The following TRAPPC6B variants were observed in gnomAD, a reference collection of about 807,000 sequenced individuals.
The protein encoded by TRAPPC6B is trafficking protein particle complex subunit 6B, also known as TRAPP complex subunit 6B.
Under a neutral mutation model 24.7 loss-of-function variants are expected in TRAPPC6B, and 27 were observed. The observed-to-expected ratio is 1.09, with a 90% CI of 0.81 to 1.51. TRAPPC6B has a LOEUF of 1.51. Among genes scored for constraint, TRAPPC6B ranks in the 40% most tolerant of loss-of-function variants. The pLI, the probability that TRAPPC6B is intolerant of heterozygous loss-of-function variation, is 0.00. For missense variants in TRAPPC6B, 212 were observed against 190.8 expected (o/e 1.11, Z -0.66); for synonymous variants, 80 against 66.6 (o/e 1.20, Z -0.98).
In TRAPPC6B at chr14:39,150,305, T is replaced by C; in HGVS notation, c.*45A>G. 1 of 1,508,144 alleles carries C rather than the reference T, an allele frequency of 6.6e-7. No homozygotes were observed. Among genetic ancestry groups the C allele is most frequent in the Non-Finnish European group, 9.0e-7 (1 of 1,109,514 alleles). The allele number at this position is 1,508,144 out of a possible 1,614,324, so 93.4% of individuals were successfully genotyped here. ...ACTACTTGAAATACTTTTACATGAA[T>C]AATTTATCTCTTTACACTGTTGAAG... On this transcript the variant is annotated 3_prime_UTR_variant, in exon 6 of 6. Coordinates refer to ENST00000330149, the MANE Select transcript of TRAPPC6B (RefSeq NM_001079537.2).
intron 1 of TRAPPC6B, among the ~76,000 whole-genome samples, chr14:39,159,962 A>T (rs542864946): frequency 2.0e-5 from 3 of 152,128 alleles, no homozygotes; most frequent in Non-Finnish European, 2.9e-5. Context: ...AGCTGGAATT[A>T]TAAGCACCCA....
rs116558051 is a variant in TRAPPC6B at position 39,168,688 on chromosome 14, G to A, written c.81+1327C>T. 6.1e-3 allele frequency among the ~76,000 whole-genome samples: 932 copies of A among 152,110 alleles called. 9 individuals are homozygous for A. Among genetic ancestry groups the A allele is most frequent in the African/African-American group, 0.021 (873 of 41,498 alleles). ...CAGCTGCTCAAGCTGAAAACCTGAC[G>A]ATAATTTTCAACTCCCACTCCCATC... On this transcript the variant is annotated intron_variant, in intron 1 of 5. Coordinates refer to ENST00000330149, the MANE Select transcript of TRAPPC6B (RefSeq NM_001079537.2).
Position 39,170,031 on chromosome 14 carries a change from G to A in TRAPPC6B, c.65C>T (p.Ala22Val). ...NEMVSGVYKS[A>V]EQGEVENGRC... ...AGCACTCACCACCTCCCCCTGCTCC[G>A]CGGACTTGTACACTCCAGACACCAT... Residue 22 changes from alanine to valine, a missense_variant, in exon 1 of 6, where the codon GCG (alanine) becomes GTG (valine). Physicochemically the swap from Ala to Val is moderately conservative, Grantham distance 64. Coordinates refer to ENST00000330149, the MANE Select transcript of TRAPPC6B (RefSeq NM_001079537.2). The A allele has an allele frequency of 1.2e-6, 2 of 1,614,072 alleles. No homozygotes were observed. The highest frequency in any genetic ancestry group is 1.1e-5 in the South Asian group (1 of 91,072).
chr14:39,167,591 A>G (rs920968033), intron 1 of TRAPPC6B, among the ~76,000 whole-genome samples: 12 of 152,194 alleles, frequency 7.9e-5, no homozygotes, highest in Non-Finnish European at 1.5e-4. Flanking sequence ...AAGCACACTC[A>G]AAGTATGGAC....
chr14:39,164,787 A>T (rs1160408239), intron 1 of TRAPPC6B, among the ~76,000 whole-genome samples: 2 of 152,206 alleles, frequency 1.3e-5, no homozygotes, highest in Non-Finnish European at 2.9e-5. Context: ...CAGTGAGCCA[A>T]TATCTAGCCA....
At position 39,161,641 on chromosome 14, in the gene TRAPPC6B, G is replaced by T. The variant is rs560886958; in HGVS notation, c.82-2091C>A. 3.3e-5 allele frequency among the ~76,000 whole-genome samples: 5 copies of T among 152,266 alleles called. No homozygotes were observed. The East Asian group carries it at 7.7e-4, about 23-fold the overall frequency. ...TCACTCCGTGTCTGGCGAGCCAACT[G>T]GATGTCTTTGGGCATGAGAGCCAAC... On this transcript the variant is annotated intron_variant, in intron 1 of 5. Coordinates refer to ENST00000330149, the MANE Select transcript of TRAPPC6B (RefSeq NM_001079537.2).
chr14:39,164,192 T>C (rs958417675), intron 1 of TRAPPC6B, among the ~76,000 whole-genome samples: 4 of 152,044 alleles, frequency 2.6e-5, no homozygotes, highest in African/African-American at 9.7e-5. Flanking sequence ...AGTAAATTTC[T>C]AAAAAAAATC....
intron 1 of TRAPPC6B, among the ~76,000 whole-genome samples, chr14:39,160,527 A>G (rs1208338605): frequency 1.3e-5 from 2 of 148,626 alleles, no homozygotes; most frequent in African/African-American, 4.9e-5. Flanking sequence ...TGATCATGTC[A>G]TTGCACTCCA....
chr14:39,159,538 A>G lies in TRAPPC6B; in HGVS notation c.94T>C (p.Cys32Arg). Residue 32 changes from cysteine to arginine, a missense_variant, in exon 2 of 6, where the codon TGT (cysteine) becomes CGT (arginine). By Grantham distance (180) the Cys-to-Arg change is radical. Transcript: ENST00000330149. The stretch of plus-strand genomic sequence containing the variant: ...CCCATGTTTTCCAGCTTAGTAATAC[A>G]TCGTCCGTTTTCCTATTTTAAAAAA... ...AEQGEVENGR[C>R]ITKLENMGFR... is the part of the protein sequence containing the mutation. The G allele has an allele frequency of 1.9e-6, 3 of 1,604,030 alleles. No individual in the cohort carries two copies. Among genetic ancestry groups the G allele is most frequent in the Admixed American group, 3.4e-5 (2 of 58,898 alleles).
intron 4 of TRAPPC6B, among the ~76,000 whole-genome samples, chr14:39,153,480 A>T (rs1231424735): frequency 6.6e-6 from 1 of 151,544 alleles, no homozygotes; most frequent in East Asian, 1.9e-4. Flanking sequence ...TTTTTTAAAA[A>T]TTAGCCAGGC....
intron 1 of TRAPPC6B, among the ~76,000 whole-genome samples, chr14:39,169,093 C>T (rs2053137980): frequency 6.6e-6 from 1 of 152,166 alleles, no homozygotes; most frequent in African/African-American, 2.4e-5. Context: ...GATACATTTC[C>T]TATCCCCACT....
chr14:39,167,177 T>C (rs965005557), intron 1 of TRAPPC6B, among the ~76,000 whole-genome samples: 1 of 152,184 alleles, frequency 6.6e-6, no homozygotes, highest in Admixed American at 6.5e-5. Context: ...AAAATTCAAC[T>C]TGAGAACATT....
chr14:39,158,047 T>TA (rs1255661263), intron 3 of TRAPPC6B, among the ~76,000 whole-genome samples: 1 of 152,206 alleles, frequency 6.6e-6, no homozygotes, highest in African/African-American at 2.4e-5. Context: ...TATGCTACTT[T>TA]AAAAAACTTA....
chr14:39,164,171 A>G (rs2053085312), intron 1 of TRAPPC6B, among the ~76,000 whole-genome samples: 2 of 151,942 alleles, frequency 1.3e-5, no homozygotes, highest in Non-Finnish European at 2.9e-5. Context: ...TGGTAGTGTA[A>G]CTTCTACTAA....
At position 39,170,190 on chromosome 14, in the gene TRAPPC6B, G is replaced by C; in HGVS notation, c.-95C>G. ...CCTCAGCGACTTCGCCGGCGCCGCG[G>C]CTCCGTCAGGCCGCCATTCTATCCC... is the stretch of plus-strand genomic sequence containing the variant. On this transcript the variant is annotated 5_prime_UTR_variant, in exon 1 of 6. Transcript: ENST00000330149. 1 of 1,187,342 alleles carries C rather than the reference G, an allele frequency of 8.4e-7. No homozygotes were observed. The highest frequency in any genetic ancestry group is 1.2e-6 in the Non-Finnish European group (1 of 814,108). 73.6% of individuals were successfully genotyped at this position (1,187,342 alleles called of 1,614,324 possible). A position where few individuals can be genotyped will look rare whatever the true frequency, so the allele number is the denominator to read the frequency against.
intron 2 of TRAPPC6B, chr14:39,159,254 A>G: frequency 4.3e-6 from 1 of 230,320 alleles, no homozygotes; most frequent in Non-Finnish European, 8.2e-6. Flanking sequence ...AGCTTCAGGA[A>G]GAAAGTCTAA....
At chr14:39,163,121 C>A (rs1395185869) in intron 1 of TRAPPC6B, among the ~76,000 whole-genome samples, 1 of 150,626 alleles carries the variant, frequency 6.6e-6, no homozygotes, top group Non-Finnish European at 1.5e-5. Flanking sequence ...ATCTGTAATC[C>A]CAGCATTTGG....
intron 1 of TRAPPC6B, among the ~76,000 whole-genome samples, chr14:39,160,670 G>C (rs371235998): frequency 6.6e-6 from 1 of 151,892 alleles, no homozygotes; most frequent in East Asian, 1.9e-4. Flanking sequence ...GAAAGAGACA[G>C]AAACAGAGAG....
chr14:39,159,993 T>C (rs1369317778), intron 1 of TRAPPC6B, among the ~76,000 whole-genome samples: 2 of 152,140 alleles, frequency 1.3e-5, no homozygotes, highest in African/African-American at 4.8e-5. Context: ...TGGTTAATTT[T>C]TGTATTTTTA....
Sources: allele counts gnomAD v4.1 joint callset (sites outside exome capture counted in the v4.1 genomes callset), GRCh38; gene constraint gnomAD v4.1.1; transcripts MANE v1.5; gene names NCBI Gene and HGNC (gene_info 2026-07-23, HGNC 2026-07-21).